Variants in PSMD1 observed in about 807,000 individuals in gnomAD.
The protein encoded by PSMD1 is proteasome 26S subunit, non-ATPase 1.
Under a neutral mutation model 119.0 loss-of-function variants are expected in PSMD1, and 18 were observed. That is an observed-to-expected ratio of 0.15 (90% CI 0.10 to 0.22). The LOEUF is 0.22. Ranked by LOEUF, PSMD1 falls within the 10% of genes least tolerant of loss-of-function variation. PSMD1 has a pLI of 1.00. For missense variants in PSMD1, 702 were observed against 1,158.5 expected, an observed-to-expected ratio of 0.61 and a Z score of 5.72; for synonymous variants, 374 against 396.6, an observed-to-expected ratio of 0.94 and a Z score of 0.68.
intron 16 of PSMD1, among the ~76,000 whole-genome samples, chr2:231,090,613 G>C (rs1415191869): frequency 6.6e-6 from 1 of 152,194 alleles, no homozygotes. Context: ...TGATTCCTCT[G>C]ATGGCTCTGG....
intron 17 of PSMD1, among the ~76,000 whole-genome samples, chr2:231,139,570 A>AG (rs1346707607): frequency 6.7e-6 from 1 of 148,574 alleles, no homozygotes; most frequent in African/African-American, 2.5e-5. Flanking sequence ...AAAAAAAAAA[A>AG]AAAAAGAAGA....
At chr2:231,146,089 A>T (rs548084989) in intron 17 of PSMD1, 151 bp from the exon 18 acceptor site, 8 of 562,022 alleles carry the variant, frequency 1.4e-5, no homozygotes, top group Non-Finnish European at 2.3e-5. Context: ...CTTAGGCAAT[A>T]GTAATTTTTC....
chr2:231,070,297 C>A (rs1559218483), intron 6 of PSMD1, 129 bp downstream of exon 6: 1 of 739,134 alleles, frequency 1.4e-6, no homozygotes, highest in Non-Finnish European at 1.9e-6. Flanking sequence ...ATCTTCACAG[C>A]AGCCCTGTGA....
intron 4 of PSMD1, among the ~76,000 whole-genome samples, chr2:231,063,909 C>T (rs1165755042): frequency 1.3e-5 from 2 of 151,664 alleles, no homozygotes; most frequent in Admixed American, 1.3e-4. Context: ...AGCAGTTCTC[C>T]TGCTTTGGCC....
At chr2:231,115,305 C>T (rs10194776) in intron 16 of PSMD1, among the ~76,000 whole-genome samples, 81,072 of 151,832 alleles carry the variant, frequency 0.53, 24,446 homozygotes, top group African/African-American at 0.82. Context: ...TGAAAAATAT[C>T]TGGGCACTTG....
chr2:231,156,311 A>G (rs1048626277), intron 19 of PSMD1, among the ~76,000 whole-genome samples: 4 of 152,076 alleles, frequency 2.6e-5, no homozygotes, highest in African/African-American at 7.2e-5. Context: ...AGTGTGGTAT[A>G]TTTGCTTACA....
Position 231,139,472 on chromosome 2 carries a change from C to T in PSMD1, c.1998+622C>T, listed in dbSNP as rs569432628. ...ATGTTGCCCAGGCTGGTCTCACATT[C>T]CTGGGATCAAGTGATCCTCCTGCCT... On this transcript the variant is annotated intron_variant, in intron 17 of 24. Transcript: ENST00000308696. Among the ~76,000 whole-genome samples, 435 of 147,774 alleles carry T rather than the reference C, an allele frequency of 2.9e-3. 4 individuals are homozygous for T. The highest frequency in any genetic ancestry group is 0.017 in the Middle Eastern group (5 of 286).
intron 5 of PSMD1, among the ~76,000 whole-genome samples, chr2:231,068,257 C>T (rs1394017109): frequency 6.6e-6 from 1 of 152,120 alleles, no homozygotes; most frequent in Non-Finnish European, 1.5e-5. Context: ...CAGTGTTTAG[C>T]GTCGATAATA....
At chr2:231,114,115 A>T (rs1337776135) in intron 16 of PSMD1, among the ~76,000 whole-genome samples, 1 of 152,178 alleles carries the variant, frequency 6.6e-6, no homozygotes. Flanking sequence ...GTGGATGGTA[A>T]CTTTTAAATA....
At chr2:231,114,675 A>G (rs533488622) in intron 16 of PSMD1, among the ~76,000 whole-genome samples, 3 of 152,310 alleles carry the variant, frequency 2.0e-5, no homozygotes, top group African/African-American at 7.2e-5. Context: ...ACTCTTATAA[A>G]ACACTGCATA....
In PSMD1 at chr2:231,079,591, G is replaced by T; in HGVS notation, c.1216G>T (p.Ala406Ser). Reference sequence around the variant, plus strand: ...TAACTGGGCAAAATTTACTGCTACAGCCAGTTTGGGTGTAATTCATAAGGT... The same window carrying T: ...TAACTGGGCAAAATTTACTGCTACATCCAGTTTGGGTGTAATTCATAAGGT... ...ATNWAKFTAT[A>S]SLGVIHKGHE... Residue 406 changes from alanine (A) to serine (S), a missense_variant, in exon 11 of 25, where the codon GCC becomes TCC. Physicochemically the swap from Ala to Ser is moderately conservative, Grantham distance 99 (BLOSUM62 1). Transcript: ENST00000308696. 6.2e-7 allele frequency: 1 copy of T among 1,606,604 alleles called. No homozygotes were observed. The highest frequency in any genetic ancestry group is 1.1e-5 in the South Asian group (1 of 90,132).
chr2:231,158,183 T>G (rs1696556091), intron 19 of PSMD1, among the ~76,000 whole-genome samples: 1 of 152,024 alleles, frequency 6.6e-6, no homozygotes, highest in Non-Finnish European at 1.5e-5. Flanking sequence ...TGGTGGTGCA[T>G]GCCTGTATTC....
At chr2:231,166,779 A>G (rs1696796493) in intron 23 of PSMD1, among the ~76,000 whole-genome samples, 1 of 152,226 alleles carries the variant, frequency 6.6e-6, no homozygotes, top group Non-Finnish European at 1.5e-5. Flanking sequence ...CTTATACAAG[A>G]GTAAACTTAT....
chr2:231,144,418 ATTTTTTTTTTTTTTTTTTTTTTTTTTT>A (rs751682132), intron 17 of PSMD1, among the ~76,000 whole-genome samples: 1 of 75,188 alleles, frequency 1.3e-5, no homozygotes, highest in South Asian at 5.4e-4. Flanking sequence ...CGCCCAGCTA[ATTTTTTTTTTTTTTTTTTTTTTTTTTT>A]TTTTTGTATT....
At chr2:231,097,708 A>G (rs893576508) in intron 16 of PSMD1, among the ~76,000 whole-genome samples, 5 of 152,180 alleles carry the variant, frequency 3.3e-5, no homozygotes, top group Non-Finnish European at 5.9e-5. Flanking sequence ...AAATTGATCT[A>G]GTATTCCCTG....
intron 17 of PSMD1, among the ~76,000 whole-genome samples, chr2:231,145,315 T>TA (rs1696227605): frequency 1.3e-5 from 2 of 152,174 alleles, no homozygotes; most frequent in Admixed American, 1.3e-4. Flanking sequence ...GCAGTTATGG[T>TA]AAAAATACAG....
intron 8 of PSMD1, among the ~76,000 whole-genome samples, chr2:231,076,676 A>G (rs1206365964): frequency 6.6e-6 from 1 of 152,112 alleles, no homozygotes; most frequent in Non-Finnish European, 1.5e-5. Context: ...TCATATATAT[A>G]TGTTGATTAA....
At chr2:231,081,369 G>A (rs988930743) in intron 12 of PSMD1, among the ~76,000 whole-genome samples, 3 of 152,086 alleles carry the variant, frequency 2.0e-5, no homozygotes, top group Admixed American at 6.5e-5. Context: ...TAACTAACTT[G>A]AATAAGAAGT....
chr2:231,059,089 AGTC>A (rs1485715318), intron 1 of PSMD1, among the ~76,000 whole-genome samples: 2 of 152,222 alleles, frequency 1.3e-5, no homozygotes, highest in Non-Finnish European at 2.9e-5. Context: ...GCAATTAATC[AGTC>A]CCTTGAGTTT....
Sources: allele counts gnomAD v4.1 joint callset (sites outside exome capture counted in the v4.1 genomes callset), GRCh38; gene constraint gnomAD v4.1.1; transcripts MANE v1.5; gene names NCBI Gene and HGNC (gene_info 2026-07-23, HGNC 2026-07-21).